DZIP3: variants seen among roughly 807,000 people sequenced by gnomAD.
DZIP3 encodes the protein DAZ interacting zinc finger protein 3, also known as E3 ubiquitin-protein ligase DZIP3.
DZIP3 carries 118 observed loss-of-function variants against 162.0 expected under a neutral mutation model. That is an observed-to-expected ratio of 0.73 (90% CI 0.63 to 0.85). The LOEUF is 0.85. DZIP3 is among the 40% of genes least tolerant of loss of function. The probability of loss-of-function intolerance (pLI) is 0.00; values close to 1 mark genes in which losing one functional copy is unlikely to be tolerated. For missense variants in DZIP3, 1,331 were observed against 1,407.0 expected (o/e 0.95, Z 0.86); for synonymous variants, 438 against 458.6 (o/e 0.96, Z 0.57).
chr3:108,616,430 ATCTCT>A (rs1941018110), intron 4 of DZIP3, 106 bp from the exon 5 acceptor site: 1 of 671,146 alleles, frequency 1.5e-6, no homozygotes, highest in East Asian at 3.0e-5. Context: ...AACCGTCTTT[ATCTCT>A]ATTTTTAAAA....
chr3:108,687,761 G>C (rs551829936), intron 28 of DZIP3, among the ~76,000 whole-genome samples: 2 of 152,120 alleles, frequency 1.3e-5, no homozygotes, highest in Non-Finnish European at 2.9e-5. Context: ...AAAACATTAA[G>C]TATCATTAAT....
At chr3:108,681,775 T>C (rs1470662289) in intron 26 of DZIP3, among the ~76,000 whole-genome samples, 6 of 151,214 alleles carry the variant, frequency 4.0e-5, no homozygotes, top group African/African-American at 1.5e-4. Context: ...TTCATATCCT[T>C]TGCAGGGACA....
chr3:108,622,247 T>A (rs530396116), intron 5 of DZIP3, among the ~76,000 whole-genome samples: 17 of 152,108 alleles, frequency 1.1e-4, no homozygotes, highest in Non-Finnish European at 2.2e-4. Flanking sequence ...AGGTGGGGGT[T>A]GGGGAGACAG....
chr3:108,617,457 T>G (rs1941081858), intron 5 of DZIP3, among the ~76,000 whole-genome samples: 1 of 152,194 alleles, frequency 6.6e-6, no homozygotes, highest in African/African-American at 2.4e-5. Flanking sequence ...CTTCTGAGAT[T>G]TCTATATTTG....
At chr3:108,647,272 A>G (rs1942667632) in intron 15 of DZIP3, among the ~76,000 whole-genome samples, 2 of 152,136 alleles carry the variant, frequency 1.3e-5, no homozygotes, top group Admixed American at 6.5e-5. Flanking sequence ...TTATAGCTAT[A>G]TACTTTTTTT....
chr3:108,628,376 T>G (rs576915703), intron 7 of DZIP3, among the ~76,000 whole-genome samples: 1 of 152,272 alleles, frequency 6.6e-6, no homozygotes, highest in Non-Finnish European at 1.5e-5. Flanking sequence ...CCATTTTAGA[T>G]CCTAGGGTCT....
chr3:108,684,544 A>G (rs1281088955), intron 27 of DZIP3, among the ~76,000 whole-genome samples: 5 of 152,106 alleles, frequency 3.3e-5, no homozygotes, highest in Non-Finnish European at 7.3e-5. Flanking sequence ...TCGTTTTGGG[A>G]TACAAAGATA....
intron 9 of DZIP3, among the ~76,000 whole-genome samples, chr3:108,633,986 A>G (rs371874308): frequency 2.9e-5 from 4 of 139,786 alleles, no homozygotes; most frequent in South Asian, 2.3e-4. Flanking sequence ...TGATAGATCT[A>G]TCTCTCTGGA....
chr3:108,648,059 G>A lies in DZIP3; in HGVS notation c.1909G>A (p.Gly637Arg), dbSNP rs1264299474. 3.7e-6 allele frequency: 6 copies of A among 1,611,488 alleles called. No individual in the cohort carries two copies. The highest frequency in any genetic ancestry group is 1.7e-5 in the Admixed American group (1 of 59,728). Reference protein sequence around the residue: ...EIQFAEINKDGTSIPSESSTE... With the variant: ...EIQFAEINKDRTSIPSESSTE... ...ACAGTTTGCAGAAATTAATAAAGAT[G>A]GGACCTCAATACCCAGTGAATCTTC... Residue 637 changes from glycine (G) to arginine (R), a missense_variant, in exon 16 of 33, where the codon GGG becomes AGG. Gly to Arg is a moderately radical substitution (Grantham distance 125). This residue lies in a region of DZIP3 where 1,278 missense variants were observed against 1,317.1 expected (regional missense o/e 0.97). Transcript: ENST00000361582.
rs1179378911 is a variant in DZIP3, at chr3:108,630,353, TAAAG to T, written c.696+1179_696+1182del. On this transcript the variant is annotated intron_variant, in intron 8 of 32. Transcript: ENST00000361582. The stretch of plus-strand genomic sequence containing the variant: ...TTAAGGCCAAAAGCATTACTCAAAA[TAAAG>T]AGAGACATTTTATTAAAATATAAAA... Among the ~76,000 whole-genome samples, 15 of 152,224 alleles carry T rather than the reference TAAAG, an allele frequency of 9.9e-5. No homozygotes were observed. In the South Asian group the frequency reaches 3.1e-3, roughly 32 times the overall value.
chr3:108,623,277 G>C (rs535301240), intron 5 of DZIP3, among the ~76,000 whole-genome samples: 134 of 152,150 alleles, frequency 8.8e-4, no homozygotes, highest in Admixed American at 8.1e-3. Context: ...GGAATGTGTT[G>C]GGTCACATCT....
intron 2 of DZIP3, 28 bp from the exon 3 acceptor site, chr3:108,608,061 T>C (rs550608836): frequency 1.9e-6 from 3 of 1,571,038 alleles, no homozygotes; most frequent in African/African-American, 1.4e-5. Flanking sequence ...AAGATGCTCT[T>C]AATATACCTC....
chr3:108,669,603 C>T (rs968927973), intron 21 of DZIP3, 78 bp from the exon 22 acceptor site: 45 of 1,311,776 alleles, frequency 3.4e-5, no homozygotes, highest in Non-Finnish European at 4.6e-5. Context: ...TCCTCCACAG[C>T]TGTAGTTAGA....
Position 108,644,211 on chromosome 3 carries a change from C to T in DZIP3, c.1189C>T (p.Leu397Phe), listed in dbSNP as rs1445575181. The T allele has an allele frequency of 1.2e-6, 2 of 1,608,728 alleles. No individual in the cohort carries two copies. Among genetic ancestry groups the T allele is most frequent in the South Asian group, 1.1e-5 (1 of 90,332 alleles). ...KLDYNYFYHL[L>F]HIIIISGTDI... ...TGATTATAATTATTTCTATCATCTG[C>T]TTCATATAATTATTATTTCTGGTAC... The change falls in exon 14 of 33, where the codon CTT becomes TTT. Residue 397 changes from leucine (L) to phenylalanine (F), a missense_variant. Physicochemically the swap from Leu to Phe is conservative, Grantham distance 22. Transcript: ENST00000361582.
chr3:108,622,246 T>C (rs1388570967), intron 5 of DZIP3, among the ~76,000 whole-genome samples: 2 of 151,742 alleles, frequency 1.3e-5, no homozygotes, highest in African/African-American at 2.4e-5. Flanking sequence ...TAGGTGGGGG[T>C]TGGGGAGACA....
At chr3:108,606,182 A>G (rs966876573) in intron 2 of DZIP3, among the ~76,000 whole-genome samples, 4 of 152,180 alleles carry the variant, frequency 2.6e-5, no homozygotes, top group Non-Finnish European at 5.9e-5. Context: ...TATTTTCTAA[A>G]GGGTAATTTA....
intron 21 of DZIP3, among the ~76,000 whole-genome samples, chr3:108,667,812 A>G (rs1157719966): frequency 6.6e-6 from 1 of 152,024 alleles, no homozygotes. Context: ...TATTTTTTTG[A>G]TTGTTGTGAT....
At chr3:108,658,845 A>G (rs1943274292) in intron 19 of DZIP3, among the ~76,000 whole-genome samples, 1 of 152,226 alleles carries the variant, frequency 6.6e-6, no homozygotes, top group South Asian at 2.1e-4. Flanking sequence ...AACTACCATC[A>G]GAGAATACTA....
At position 108,661,182 on chromosome 3, in the gene DZIP3, A is replaced by T. The variant is rs1324120594; in HGVS notation, c.2200-695A>T. On this transcript the variant is annotated intron_variant, in intron 19 of 32. Transcript: ENST00000361582. Reference sequence around the variant, plus strand: ...ATCATGCTGCTATAAAGATACATGCACACGTATGTTTATTGCAGCACTATT... The same window carrying T: ...ATCATGCTGCTATAAAGATACATGCTCACGTATGTTTATTGCAGCACTATT... Among the ~76,000 whole-genome samples, 3 of 152,220 alleles carry T rather than the reference A, an allele frequency of 2.0e-5. No individual in the cohort carries two copies. In the East Asian group the frequency reaches 5.8e-4, roughly 29 times the overall value.
Sources: gnomAD v4.1 joint callset for allele counts (sites outside exome capture counted in the v4.1 genomes callset) on GRCh38, gnomAD v4.1.1 for gene constraint, gnomAD v4.1.1 regional missense constraint, MANE v1.5 for transcripts, NCBI Gene and HGNC (gene_info 2026-07-23, HGNC 2026-07-21) for gene names.